NELL1: variants seen among roughly 807,000 people sequenced by gnomAD.
NELL1 encodes the protein neural EGFL like 1.
Under a neutral mutation model 107.4 loss-of-function variants are expected in NELL1, and 76 were observed. The observed-to-expected ratio is 0.71, with a 90% CI of 0.59 to 0.86. The LOEUF (loss-of-function observed/expected upper bound fraction) is 0.86, where lower values mean the gene tolerates loss of function less well. Among genes scored for constraint, NELL1 ranks in the 40% least tolerant of loss-of-function variants. The probability of loss-of-function intolerance (pLI) is 0.00; values close to 1 mark genes in which losing one functional copy is unlikely to be tolerated. For missense variants in NELL1, 1,024 were observed against 1,005.5 expected, an observed-to-expected ratio of 1.02 and a Z score of -0.25; for synonymous variants, 353 against 341.2, an observed-to-expected ratio of 1.03 and a Z score of -0.38.
intron 12 of NELL1, among the ~76,000 whole-genome samples, chr11:21,110,620 G>C (rs569138394): frequency 6.6e-6 from 1 of 152,262 alleles, no homozygotes. Flanking sequence ...ATTCATTGCA[G>C]TCAGCAGGCT....
At position 20,918,520 on chromosome 11, in the gene NELL1, C is replaced by T. The variant is rs557193329; in HGVS notation, c.676+266C>T. On this transcript the variant is annotated intron_variant, in intron 6 of 19. Coordinates refer to ENST00000357134, the MANE Select transcript of NELL1 (RefSeq NM_006157.5). ...ATAAAGGAAAGAGGTTTAATTGACT[C>T]ACAGTTCCACATGGATGGGGAGGCC... Among the ~76,000 whole-genome samples, 5 of 152,092 alleles carry T rather than the reference C, an allele frequency of 3.3e-5. No homozygotes were observed. The South Asian group carries it at 6.2e-4, about 19-fold the overall frequency.
intron 3 of NELL1, among the ~76,000 whole-genome samples, chr11:20,825,434 A>C (rs1295791246): frequency 6.6e-6 from 1 of 151,460 alleles, no homozygotes; most frequent in African/African-American, 2.4e-5. Context: ...CTGTACCCTG[A>C]AAAGCCACAG....
At chr11:21,455,320 CTTTT>C (rs34607165) in intron 15 of NELL1, among the ~76,000 whole-genome samples, 2 of 77,210 alleles carry the variant, frequency 2.6e-5, no homozygotes, top group Non-Finnish European at 4.7e-5. Flanking sequence ...TTCTTTTATT[CTTTT>C]TTTTTTTTTT....
intron 14 of NELL1, among the ~76,000 whole-genome samples, chr11:21,282,116 C>T: frequency 6.6e-6 from 1 of 151,932 alleles, no homozygotes; most frequent in Non-Finnish European, 1.5e-5. Flanking sequence ...AGATTAATAA[C>T]CAGAATATAT....
intron 2 of NELL1, among the ~76,000 whole-genome samples, chr11:20,757,469 T>G (rs1216963849): frequency 1.3e-5 from 2 of 152,208 alleles, no homozygotes; most frequent in Admixed American, 6.5e-5. Context: ...GCTGGACTCT[T>G]ATTATCTTCC....
chr11:21,097,916 T>G (rs957536525), intron 12 of NELL1, among the ~76,000 whole-genome samples: 2 of 151,770 alleles, frequency 1.3e-5, no homozygotes, highest in East Asian at 3.9e-4. Context: ...AATGCACATA[T>G]CTCATTTGTG....
intron 1 of NELL1, among the ~76,000 whole-genome samples, chr11:20,671,748 AG>A (rs1853915182): frequency 6.7e-6 from 1 of 149,852 alleles, no homozygotes; most frequent in African/African-American, 2.5e-5. Flanking sequence ...AGAAACTGGC[AG>A]GCATTTTAAT....
At chr11:20,948,765 T>TAAAAAAAA (rs35915453) in intron 11 of NELL1, among the ~76,000 whole-genome samples, 1 of 107,286 alleles carries the variant, frequency 9.3e-6, no homozygotes, top group African/African-American at 3.5e-5. Context: ...TTCAAAATCT[T>TAAAAAAAA]AAAAAAAAAA....
In NELL1 at chr11:20,761,509, C is replaced by A. The variant is rs939141777; in HGVS notation, c.185-22171C>A. Among the ~76,000 whole-genome samples the A allele has an allele frequency of 3.3e-5, 5 of 152,148 alleles. 1 individual carries two copies. The highest frequency in any genetic ancestry group is 4.8e-5 in the African/African-American group (2 of 41,428). ...TCTTGAGAATACCAGGGTTCATTTT[C>A]TTGAGGAATGTCAGAAATATTTTGT... is the stretch of plus-strand genomic sequence containing the variant. On this transcript the variant is annotated intron_variant, in intron 2 of 19. Transcript: ENST00000357134.
intron 3 of NELL1, among the ~76,000 whole-genome samples, chr11:20,785,110 C>CA (rs1208728824): frequency 3.9e-5 from 6 of 152,124 alleles, no homozygotes; most frequent in Admixed American, 6.5e-5. Context: ...TGTGCACAGT[C>CA]ACAGAGGTGA....
intron 12 of NELL1, among the ~76,000 whole-genome samples, chr11:20,961,306 T>C (rs1032292828): frequency 3.3e-5 from 5 of 152,216 alleles, no homozygotes; most frequent in Non-Finnish European, 7.3e-5. Flanking sequence ...TCTGTATGTA[T>C]AGTACCATAA....
intron 15 of NELL1, among the ~76,000 whole-genome samples, chr11:21,515,942 G>C (rs1018438255): frequency 6.6e-6 from 1 of 152,140 alleles, no homozygotes; most frequent in African/African-American, 2.4e-5. Context: ...CAATGCTGTT[G>C]CTTCTCAGTA....
At chr11:20,780,092 G>A (rs1421241660) in intron 2 of NELL1, among the ~76,000 whole-genome samples, 2 of 152,176 alleles carry the variant, frequency 1.3e-5, no homozygotes, top group African/African-American at 4.8e-5. Context: ...CAAAACAGGT[G>A]TTTCTTACAT....
At chr11:20,676,193 T>C (rs1854051737) in intron 1 of NELL1, among the ~76,000 whole-genome samples, 1 of 152,152 alleles carries the variant, frequency 6.6e-6, no homozygotes, top group African/African-American at 2.4e-5. Flanking sequence ...TCTTGCCTTT[T>C]CTAGTCATTC....
intron 16 of NELL1, among the ~76,000 whole-genome samples, chr11:21,543,578 A>C (rs960613306): frequency 1.3e-5 from 2 of 152,050 alleles, no homozygotes; most frequent in African/African-American, 4.8e-5. Context: ...TCCCCCAGAA[A>C]GGACCTTACA....
chr11:21,042,003 A>G (rs1259661092), intron 12 of NELL1, among the ~76,000 whole-genome samples: 1 of 152,240 alleles, frequency 6.6e-6, no homozygotes, highest in African/African-American at 2.4e-5. Flanking sequence ...TCTTCTTGCT[A>G]TATTTGAACC....
intron 15 of NELL1, among the ~76,000 whole-genome samples, chr11:21,416,403 C>T (rs1052408903): frequency 6.6e-6 from 1 of 152,046 alleles, no homozygotes; most frequent in Non-Finnish European, 1.5e-5. Context: ...TTCATTTCCC[C>T]TTCAAAGACA....
intron 12 of NELL1, among the ~76,000 whole-genome samples, chr11:21,032,160 T>C (rs1185931963): frequency 2.6e-5 from 4 of 151,884 alleles, no homozygotes; most frequent in African/African-American, 9.7e-5. Context: ...ATGTGTTAAT[T>C]ATTAATCTAG....
At chr11:20,749,976 G>T (rs1856096087) in intron 2 of NELL1, among the ~76,000 whole-genome samples, 1 of 152,084 alleles carries the variant, frequency 6.6e-6, no homozygotes, top group South Asian at 2.1e-4. Context: ...GAGTGGAATT[G>T]CTGGGACAGA....
Sources: gnomAD v4.1 joint callset for allele counts (sites outside exome capture counted in the v4.1 genomes callset) on GRCh38, gnomAD v4.1.1 for gene constraint, MANE v1.5 for transcripts, NCBI Gene and HGNC (gene_info 2026-07-23, HGNC 2026-07-21) for gene names.